The following ANO4 variants were observed in gnomAD, a reference collection of about 807,000 sequenced individuals.
The protein encoded by ANO4 is anoctamin 4, also known as anoctamin-4.
In ANO4, 69 loss-of-function variants were observed where a neutral mutation model predicts 141.9. That is an observed-to-expected ratio of 0.49 (90% CI 0.40 to 0.59). ANO4 has a LOEUF of 0.59. Ranked by LOEUF, ANO4 falls within the 20% of genes least tolerant of loss-of-function variation. ANO4 has a pLI of 0.00. For synonymous variants in ANO4, 350 were observed against 394.3 expected (o/e 0.89, Z 1.33); for missense variants, 894 against 1,162.2 (o/e 0.77, Z 3.36).
rs117529170 is a variant in ANO4, at chr12:100,927,302, T to C, written c.160+4972T>C. On this transcript the variant is annotated intron_variant, in intron 3 of 27. Coordinates refer to ENST00000392977, the MANE Select transcript of ANO4 (RefSeq NM_001286615.2). ...AATGGGAACTTGCAGATAGATTTAG[T>C]TTGATGCAATGATAACAACATTACA... Among the ~76,000 whole-genome samples the C allele has an allele frequency of 1.2e-3, 182 of 152,192 alleles. 3 individuals are homozygous for C. The East Asian group carries it at 0.026, about 22-fold the overall frequency.
intron 14 of ANO4, among the ~76,000 whole-genome samples, chr12:101,051,128 C>T (rs952920939): frequency 6.6e-6 from 1 of 152,206 alleles, no homozygotes; most frequent in Non-Finnish European, 1.5e-5. Flanking sequence ...CCCACTACCT[C>T]CATTATAAAA....
In ANO4 at chr12:100,985,720, G is replaced by C. The variant is rs151218638; in HGVS notation, c.603-1819G>C. ...TTCTTTTCAGTTTGACCCTTTGGGA[G>C]TTCTGAAGAAGGACAGCCACCACCA... is the stretch of plus-strand genomic sequence containing the variant. On this transcript the variant is annotated intron_variant, in intron 7 of 27. Transcript: ENST00000392977. Among the ~76,000 whole-genome samples the C allele has an allele frequency of 1.8e-4, 27 of 152,308 alleles. No homozygotes were observed. In the East Asian group the frequency reaches 5.2e-3, roughly 29 times the overall value.
chr12:100,944,881 A>C (rs2042662238), intron 5 of ANO4, among the ~76,000 whole-genome samples: 1 of 152,206 alleles, frequency 6.6e-6, no homozygotes, highest in Admixed American at 6.5e-5. Context: ...TGAAGTATCT[A>C]CATTGTATTA....
At chr12:100,924,515 A>G (rs568958608) in intron 3 of ANO4, among the ~76,000 whole-genome samples, 3 of 152,280 alleles carry the variant, frequency 2.0e-5, no homozygotes, top group South Asian at 4.1e-4. Context: ...GCTACTTTTA[A>G]AAGAAATGTT....
chr12:101,070,156 GAAA>G (rs1403988897), intron 14 of ANO4, among the ~76,000 whole-genome samples: 1 of 151,988 alleles, frequency 6.6e-6, no homozygotes, highest in Non-Finnish European at 1.5e-5. Context: ...CACAGAAATA[GAAA>G]AAATAATCCT....
At chr12:100,939,659 G>A (rs1300654133) in intron 4 of ANO4, among the ~76,000 whole-genome samples, 1 of 152,112 alleles carries the variant, frequency 6.6e-6, no homozygotes, top group Non-Finnish European at 1.5e-5. Flanking sequence ...CAAAGTTTCA[G>A]TTTTTCTTAA....
intron 16 of ANO4, among the ~76,000 whole-genome samples, chr12:101,086,273 C>A (rs1196129212): frequency 1.3e-5 from 2 of 152,044 alleles, no homozygotes; most frequent in African/African-American, 4.8e-5. Context: ...GAGAGAGGGT[C>A]TTGCAGGCTG....
chr12:101,057,637 T>C (rs1249106526), intron 14 of ANO4, among the ~76,000 whole-genome samples: 1 of 152,248 alleles, frequency 6.6e-6, no homozygotes, highest in African/African-American at 2.4e-5. Context: ...TTTTTTCATA[T>C]GTTTGTTGCC....
intron 15 of ANO4, among the ~76,000 whole-genome samples, chr12:101,081,435 C>T (rs1056775598): frequency 3.6e-4 from 55 of 152,282 alleles, no homozygotes; most frequent in Non-Finnish European, 1.5e-5. Flanking sequence ...AGCCTTCTGT[C>T]TTCCCAGCCC....
chr12:100,768,695 C>A (rs375757864), intron 3 of ANO4, among the ~76,000 whole-genome samples: 1 of 152,008 alleles, frequency 6.6e-6, no homozygotes, highest in African/African-American at 2.4e-5. Context: ...GGCTTTGAGT[C>A]GTAAATGCCA....
At chr12:100,750,482 A>G (rs1008188163) in intron 3 of ANO4, among the ~76,000 whole-genome samples, 2 of 152,092 alleles carry the variant, frequency 1.3e-5, no homozygotes, top group East Asian at 3.9e-4. Context: ...AGTGATGCCC[A>G]TGCTGTCAGT....
chr12:100,936,017 C>A (rs537919856), intron 3 of ANO4, among the ~76,000 whole-genome samples: 6 of 152,290 alleles, frequency 3.9e-5, no homozygotes, highest in Non-Finnish European at 8.8e-5. Flanking sequence ...CATTCTCTCA[C>A]AGCAGACTTT....
rs557520314 is a variant in ANO4, at chr12:101,001,483, C to T, written c.734+13813C>T. 7.2e-5 allele frequency among the ~76,000 whole-genome samples: 11 copies of T among 152,228 alleles called. No individual in the cohort carries two copies. The South Asian group carries it at 1.0e-3, about 14-fold the overall frequency. On this transcript the variant is annotated intron_variant, in intron 8 of 27. Coordinates refer to ENST00000392977, the MANE Select transcript of ANO4 (RefSeq NM_001286615.2). Reference sequence around the variant, plus strand: ...TGAAACATAATTTTACAGAAGGAGGCGCAGAAACTCAGAAACATTAAATAC... The same window carrying T: ...TGAAACATAATTTTACAGAAGGAGGTGCAGAAACTCAGAAACATTAAATAC...
intron 1 of ANO4, among the ~76,000 whole-genome samples, chr12:100,728,432 C>T (rs2031235701): frequency 6.6e-6 from 1 of 152,154 alleles, no homozygotes; most frequent in Non-Finnish European, 1.5e-5. Flanking sequence ...CAGGAGGAAC[C>T]TGCCTAACCC....
rs2043930763 is a variant in ANO4 at position 100,971,428 on chromosome 12, T to C, written c.557+22T>C. The C allele has an allele frequency of 4.1e-6, 6 of 1,476,992 alleles. No homozygotes were observed. The South Asian group carries it at 6.9e-5, about 17-fold the overall frequency. 91.5% of individuals were successfully genotyped at this position (1,476,992 alleles called of 1,614,324 possible). The stretch of plus-strand genomic sequence containing the variant: ...TCAGGTAGGTGGAAATGTATTTTAT[T>C]CCACTCTCTCTGCTGCTTCACTGTA... On this transcript the variant is annotated intron_variant, in intron 6 of 27. Transcript: ENST00000392977.
intron 3 of ANO4, among the ~76,000 whole-genome samples, chr12:100,749,248 T>G (rs1406343101): frequency 6.6e-6 from 1 of 152,228 alleles, no homozygotes; most frequent in African/African-American, 2.4e-5. Context: ...GGGCTGTTAC[T>G]CTGGTCTTCC....
Position 101,099,615 on chromosome 12 carries a change from C to A in ANO4, c.2044C>A (p.Gln682Lys). The change falls in exon 22 of 28, where the codon CAA (glutamine) becomes AAA (lysine). Residue 682 changes from glutamine (Q) to lysine (K), a missense_variant. By Grantham distance (53) the Gln-to-Lys change is moderately conservative. Transcript: ENST00000392977. Reference sequence around the variant, plus strand: ...TTGGTGGACTAGAAGAAAAGTACGACAAGAACATGGACCTGAAAGGAAAAT... The same window carrying A: ...TTGGTGGACTAGAAGAAAAGTACGAAAAGAACATGGACCTGAAAGGAAAAT... ...QNWWTRRKVRQEHGPERKISF... is the reference protein window; with the variant it reads ...QNWWTRRKVRKEHGPERKISF... 1 of 1,604,604 alleles carries A rather than the reference C, an allele frequency of 6.2e-7. No individual in the cohort carries two copies. Among genetic ancestry groups the A allele is most frequent in the Non-Finnish European group, 8.5e-7 (1 of 1,177,686 alleles).
chr12:100,929,687 A>G (rs1377366781), intron 3 of ANO4, among the ~76,000 whole-genome samples: 1 of 152,130 alleles, frequency 6.6e-6, no homozygotes, highest in Non-Finnish European at 1.5e-5. Flanking sequence ...AGGAACCTCC[A>G]AACTGTCCTT....
intron 1 of ANO4, among the ~76,000 whole-genome samples, chr12:100,732,575 G>A (rs2031423967): frequency 6.6e-6 from 1 of 152,100 alleles, no homozygotes; most frequent in South Asian, 2.1e-4. Context: ...TTAATCCAGT[G>A]TATCCATTAT....
Sources: gnomAD v4.1 joint callset for allele counts (sites outside exome capture counted in the v4.1 genomes callset) on GRCh38, gnomAD v4.1.1 for gene constraint, MANE v1.5 for transcripts, NCBI Gene and HGNC (gene_info 2026-07-23, HGNC 2026-07-21) for gene names.